MOXD1: variants seen among roughly 807,000 people sequenced by gnomAD.
MOXD1 encodes DBH-like monooxygenase protein 1.
In MOXD1, 62 loss-of-function variants were observed where a neutral mutation model predicts 66.6. The ratio of observed to expected loss-of-function variants is 0.93; its 90% CI spans 0.76 to 1.15. MOXD1 has a LOEUF of 1.15. Ranked by LOEUF, MOXD1 falls within the 50% of genes most tolerant of loss-of-function variation. The pLI, the probability that MOXD1 is intolerant of heterozygous loss-of-function variation, is 0.00. For synonymous variants in MOXD1, 303 were observed against 281.9 expected (o/e 1.07, Z -0.75); for missense variants, 847 against 754.6 (o/e 1.12, Z -1.44).
intron 4 of MOXD1, among the ~76,000 whole-genome samples, chr6:132,349,863 C>G (rs374212067): frequency 3.9e-5 from 6 of 152,228 alleles, no homozygotes; most frequent in Admixed American, 3.3e-4. Context: ...TTGCACTTCC[C>G]TGATCATTAG....
intron 4 of MOXD1, among the ~76,000 whole-genome samples, chr6:132,359,111 T>C (rs1197170507): frequency 2.7e-5 from 4 of 150,326 alleles, no homozygotes; most frequent in Non-Finnish European, 5.9e-5. Context: ...AGGAACTGCC[T>C]GCAGCTTTCC....
rs1776710322 is a variant in MOXD1 at position 132,389,345 on chromosome 6, C to T, written c.264+11818G>A. Among the ~76,000 whole-genome samples the T allele has an allele frequency of 2.6e-5, 4 of 151,518 alleles. 1 individual carries two copies. The Admixed American group carries it at 2.6e-4, about 10-fold the overall frequency. Reference sequence around the variant, plus strand: ...ACATGCTAGCCCTTGTTTAAAACATCAGATGGTCACTCTGAATGGCTGTGT... The same window carrying T: ...ACATGCTAGCCCTTGTTTAAAACATTAGATGGTCACTCTGAATGGCTGTGT... On this transcript the variant is annotated intron_variant, in intron 1 of 11. Transcript: ENST00000367963.
intron 1 of MOXD1, among the ~76,000 whole-genome samples, chr6:132,375,313 TG>T (rs1401096474): frequency 1.3e-5 from 2 of 152,264 alleles, no homozygotes; most frequent in East Asian, 3.9e-4. Flanking sequence ...TAAAATGCAA[TG>T]GGAAATATGC....
intron 1 of MOXD1, chr6:132,391,506 T>C (rs940578893): frequency 2.5e-4 from 38 of 152,130 alleles, no homozygotes; most frequent in Non-Finnish European, 4.0e-4. Flanking sequence ...CCTGGAGAAA[T>C]GTTTTTCCTG....
intron 1 of MOXD1, among the ~76,000 whole-genome samples, chr6:132,378,065 G>A (rs968817798): frequency 4.6e-5 from 7 of 152,162 alleles, no homozygotes; most frequent in Middle Eastern, 3.4e-3. Context: ...CCTGGGAGGC[G>A]GAGGTTGCAG....
At chr6:132,315,861 T>A (rs948779033) in intron 9 of MOXD1, 84 bp from the exon 10 acceptor site, 34 of 1,347,940 alleles carry the variant, frequency 2.5e-5, no homozygotes, top group African/African-American at 4.5e-5. Context: ...TGTCATACAG[T>A]TCCTTCCAAT....
Position 132,381,398 on chromosome 6 carries a change from A to T in MOXD1, c.265-6621T>A, listed in dbSNP as rs144537786. ...AATGCTGTCAATATTATACAACAGA[A>T]GTGGCATATTGGCCAATCTTAAAAG... On this transcript the variant is annotated intron_variant, in intron 1 of 11. Coordinates refer to ENST00000367963, the MANE Select transcript of MOXD1 (RefSeq NM_015529.4). Among the ~76,000 whole-genome samples, 575 of 152,316 alleles carry T rather than the reference A, an allele frequency of 3.8e-3. 2 individuals carry two copies. The highest frequency in any genetic ancestry group is 0.012 in the African/African-American group (498 of 41,578).
At chr6:132,364,975 TTTG>T in intron 4 of MOXD1, among the ~76,000 whole-genome samples, 1 of 152,260 alleles carries the variant, frequency 6.6e-6, no homozygotes, top group Non-Finnish European at 1.5e-5. Flanking sequence ...ATTATAAAGA[TTTG>T]TGGTTTCAGA....
chr6:132,392,043 C>A (rs1776776435), intron 1 of MOXD1: 1 of 773,302 alleles, frequency 1.3e-6, no homozygotes, highest in Non-Finnish European at 2.0e-6. Flanking sequence ...AAAGCACCAG[C>A]TGAGCTGTGT....
intron 1 of MOXD1, among the ~76,000 whole-genome samples, chr6:132,377,383 T>G (rs72994851): frequency 0.037 from 5,591 of 152,292 alleles, 145 homozygotes; most frequent in South Asian, 0.071. Context: ...AAGCAGTTTT[T>G]GCAATACAAT....
chr6:132,323,645 G>T (rs1338737484), intron 7 of MOXD1, among the ~76,000 whole-genome samples: 1 of 151,942 alleles, frequency 6.6e-6, no homozygotes, highest in African/African-American at 2.4e-5. Context: ...ACAAACAAAG[G>T]TTGAAATTGT....
rs748529069 is a variant in MOXD1 at position 132,328,429 on chromosome 6, C to G, written c.829G>C (p.Ala277Pro). The G allele has an allele frequency of 6.2e-7, 1 of 1,614,050 alleles. No individual in the cohort carries two copies. Among genetic ancestry groups the G allele is most frequent in the Admixed American group, 1.7e-5 (1 of 59,998 alleles). ...ATTAGCCCCACCTCTCCACCAATAG[C>G]CCAGGCAAAAATCACAGTTTCACAG... ...LTCETVIFAW[A>P]IGGEGFSYPP... is the part of the protein sequence containing the mutation. The change falls in exon 5 of 12, where the codon GCT becomes CCT. Residue 277 changes from alanine (A) to proline (P), a missense_variant. By Grantham distance (27) the Ala-to-Pro change is conservative. Coordinates refer to ENST00000367963, the MANE Select transcript of MOXD1 (RefSeq NM_015529.4).
chr6:132,308,173 A>T (rs893592627), intron 10 of MOXD1, among the ~76,000 whole-genome samples: 4 of 152,160 alleles, frequency 2.6e-5, no homozygotes, highest in Non-Finnish European at 5.9e-5. Context: ...GACACAATAA[A>T]AAAATGACAA....
chr6:132,400,075 T>C (rs1776986597), intron 1 of MOXD1, among the ~76,000 whole-genome samples: 1 of 152,224 alleles, frequency 6.6e-6, no homozygotes, highest in Non-Finnish European at 1.5e-5. Flanking sequence ...GTCACTTTAT[T>C]TCCTTCCAGA....
At chr6:132,303,300 C>A (rs964828087) in intron 10 of MOXD1, among the ~76,000 whole-genome samples, 2 of 152,066 alleles carry the variant, frequency 1.3e-5, no homozygotes, top group Non-Finnish European at 2.9e-5. Flanking sequence ...ATTCTTACAA[C>A]TCAGTAATAA....
At chr6:132,372,764 G>A (rs1776291529) in intron 3 of MOXD1, 66 bp downstream of exon 3, 2 of 1,608,124 alleles carry the variant, frequency 1.2e-6, no homozygotes, top group Middle Eastern at 1.7e-4. Flanking sequence ...AATAATGTAA[G>A]CAAAAATGCT....
intron 1 of MOXD1, among the ~76,000 whole-genome samples, chr6:132,400,882 CG>C (rs955085586): frequency 5.9e-5 from 9 of 151,902 alleles, no homozygotes; most frequent in East Asian, 5.8e-4. Flanking sequence ...GGTGTGTAGG[CG>C]GGGGGGCGTC....
chr6:132,353,385 G>T (rs1190763724), intron 4 of MOXD1, among the ~76,000 whole-genome samples: 3 of 152,070 alleles, frequency 2.0e-5, no homozygotes. Context: ...GCATTTGTTT[G>T]TCTAAAAAAG....
At chr6:132,377,983 C>T (rs536896016) in intron 1 of MOXD1, among the ~76,000 whole-genome samples, 3 of 152,086 alleles carry the variant, frequency 2.0e-5, no homozygotes, top group African/African-American at 2.4e-5. Context: ...CAAAAACTAG[C>T]CGCGCGTGGT....
Sources: gnomAD v4.1 joint callset for allele counts (sites outside exome capture counted in the v4.1 genomes callset) on GRCh38, gnomAD v4.1.1 for gene constraint, MANE v1.5 for transcripts, NCBI Gene and HGNC (gene_info 2026-07-23, HGNC 2026-07-21) for gene names.